Variants in SNX13 observed in about 807,000 individuals in gnomAD.
SNX13 encodes the protein sorting nexin 13.
In SNX13, 45 loss-of-function variants were observed where a neutral mutation model predicts 133.6. The observed-to-expected ratio is 0.34, with a 90% confidence interval of 0.27 to 0.43. The LOEUF is 0.43. SNX13 is among the 20% of genes least tolerant of loss of function. The probability of loss-of-function intolerance (pLI) is 1.00; values close to 1 mark genes in which losing one functional copy is unlikely to be tolerated. For synonymous variants in SNX13, 414 were observed against 373.9 expected, an observed-to-expected ratio of 1.11 and a Z score of -1.24; for missense variants, 1,032 against 1,145.1, an observed-to-expected ratio of 0.90 and a Z score of 1.43.
intron 1 of SNX13, 129 bp from the exon 2 acceptor site, chr7:17,897,575 T>G (rs1797342545): frequency 1.9e-6 from 1 of 516,656 alleles, no homozygotes; most frequent in South Asian, 4.4e-5. Context: ...TTCAGTAACT[T>G]TTGAAAATGT....
chr7:17,907,353 A>C (rs1259162828), intron 1 of SNX13: 1 of 152,204 alleles, frequency 6.6e-6, no homozygotes, highest in Admixed American at 6.5e-5. Context: ...AGTATGCAAC[A>C]GAAACAAGTA....
chr7:17,810,999 T>C (rs1583323192), intron 20 of SNX13, among the ~76,000 whole-genome samples: 1 of 152,282 alleles, frequency 6.6e-6, no homozygotes, highest in East Asian at 1.9e-4. Flanking sequence ...CAATGGAACG[T>C]ATCTCAAAAT....
chr7:17,927,521 G>A (rs748430468), intron 1 of SNX13, among the ~76,000 whole-genome samples: 33 of 152,126 alleles, frequency 2.2e-4, no homozygotes, highest in Admixed American at 6.5e-5. Flanking sequence ...GGGATTACAG[G>A]CATGAGCCAC....
At chr7:17,921,352 A>T (rs1800109502) in intron 1 of SNX13, among the ~76,000 whole-genome samples, 1 of 152,186 alleles carries the variant, frequency 6.6e-6, no homozygotes, top group African/African-American at 2.4e-5. Flanking sequence ...TGACCACTGT[A>T]CTGTTCTTGC....
intron 1 of SNX13, among the ~76,000 whole-genome samples, chr7:17,919,841 T>C (rs1799934996): frequency 1.3e-5 from 2 of 152,302 alleles, no homozygotes; most frequent in East Asian, 1.9e-4. Context: ...ACTAAAAGTT[T>C]ACTTTTGGGC....
At chr7:17,907,846 A>G (rs1014257069) in intron 1 of SNX13, among the ~76,000 whole-genome samples, 1 of 152,158 alleles carries the variant, frequency 6.6e-6, no homozygotes, top group Admixed American at 6.5e-5. Context: ...TGCAATTCCC[A>G]GGGTTCTGTT....
chr7:17,932,697 G>C (rs754554993), intron 1 of SNX13, among the ~76,000 whole-genome samples: 10 of 152,174 alleles, frequency 6.6e-5, no homozygotes, highest in Non-Finnish European at 1.3e-4. Context: ...GCAGGATCAA[G>C]TACTACTTTC....
chr7:17,928,717 T>C (rs10085397), intron 1 of SNX13, among the ~76,000 whole-genome samples: 23,763 of 152,240 alleles, frequency 0.16, 1,967 homozygotes, highest in Middle Eastern at 0.26. Context: ...ATTTTGTAGG[T>C]GTTAAGATAA....
rs1294628928 is a variant in SNX13, at chr7:17,897,316, A to G, written c.125+18T>C. 7.4e-7 allele frequency: 1 copy of G among 1,343,202 alleles called. No homozygotes were observed. The highest frequency in any genetic ancestry group is 1.0e-6 in the Non-Finnish European group (1 of 984,376). The allele number at this position is 1,343,202 out of a possible 1,614,324, so 83.2% of individuals were successfully genotyped here. A position where few individuals can be genotyped will look rare whatever the true frequency, so the allele number is the denominator to read the frequency against. Reference sequence around the variant, plus strand: ...GATATGACACATGAATTATAAAATTATAATTGAGTATACTTACCCACCCAC... The same window carrying G: ...GATATGACACATGAATTATAAAATTGTAATTGAGTATACTTACCCACCCAC... On this transcript the variant is annotated intron_variant, in intron 2 of 25. Coordinates refer to ENST00000428135, the MANE Select transcript of SNX13 (RefSeq NM_015132.5).
intron 1 of SNX13, among the ~76,000 whole-genome samples, chr7:17,905,516 G>C (rs28637602): frequency 0.037 from 5,647 of 152,216 alleles, 336 homozygotes; most frequent in African/African-American, 0.13. Context: ...GTCTTCAAAA[G>C]GCAGTTTTGC....
intron 1 of SNX13, among the ~76,000 whole-genome samples, chr7:17,928,549 A>T (rs1298279721): frequency 6.6e-6 from 1 of 152,170 alleles, no homozygotes; most frequent in African/African-American, 2.4e-5. Context: ...AGGTTTTTTA[A>T]AAGGGAGGAT....
rs549697941 is a variant in SNX13 at position 17,855,465 on chromosome 7, A to T, written c.838-4501T>A. Reference sequence around the variant, plus strand: ...GCCAGTGTCTGGCTACAAAGCCTCAAAAGACAGAATGAGTATCTTGTTAGA... The same window carrying T: ...GCCAGTGTCTGGCTACAAAGCCTCATAAGACAGAATGAGTATCTTGTTAGA... On this transcript the variant is annotated intron_variant, in intron 9 of 25. Transcript: ENST00000428135. 3.3e-5 allele frequency among the ~76,000 whole-genome samples: 5 copies of T among 152,290 alleles called. No homozygotes were observed. The Middle Eastern group carries it at 0.01, about 311-fold the overall frequency.
At position 17,798,970 on chromosome 7, in the gene SNX13, A is replaced by C. The variant is rs370437048; in HGVS notation, c.2444+39T>G. 8 of 1,584,614 alleles carry C rather than the reference A, an allele frequency of 5.0e-6. No homozygotes were observed. In the African/African-American group the frequency reaches 1.1e-4, roughly 22 times the overall value. ...TCCAGAAGTAAGAGTTTAATAGCTA[A>C]GTAAGATCAGATTAAAAGCGAGGAG... On this transcript the variant is annotated intron_variant, in intron 23 of 25. Transcript: ENST00000428135.
chr7:17,856,275 A>G (rs779767766), intron 9 of SNX13, among the ~76,000 whole-genome samples: 1 of 152,254 alleles, frequency 6.6e-6, no homozygotes, highest in South Asian at 2.1e-4. Flanking sequence ...AATTTAAGGT[A>G]TCTTTTGTAA....
chr7:17,904,347 A>G (rs796852786), intron 1 of SNX13, among the ~76,000 whole-genome samples: 4 of 152,234 alleles, frequency 2.6e-5, no homozygotes, highest in African/African-American at 7.2e-5. Flanking sequence ...GTCTAGTTGT[A>G]GCAGACTGGT....
chr7:17,814,952 GAA>G lies in SNX13; in HGVS notation c.1954-10_1954-9del, dbSNP rs34649849. 1,173 of 1,214,988 alleles carry G rather than the reference GAA, an allele frequency of 9.7e-4. No individual in the cohort carries two copies. The highest frequency in any genetic ancestry group is 2.5e-3 in the South Asian group (113 of 44,584). 75.3% of individuals were successfully genotyped at this position (1,214,988 alleles called of 1,614,324 possible). A position where few individuals can be genotyped will look rare whatever the true frequency, so the allele number is the denominator to read the frequency against. On this transcript the variant is annotated splice_polypyrimidine_tract_variant and intron_variant, in intron 19 of 25. Coordinates refer to ENST00000428135, the MANE Select transcript of SNX13 (RefSeq NM_015132.5). ...TTCAGGAGCTAACAGTAACTAACAA[GAA>G]AAAAAAAAAAAAGAAGAGATTATCT... is the stretch of plus-strand genomic sequence containing the variant.
chr7:17,898,252 G>A (rs1275664078), intron 1 of SNX13: 2 of 152,074 alleles, frequency 1.3e-5, no homozygotes, highest in African/African-American at 4.8e-5. Flanking sequence ...AGTACACAAA[G>A]GAAGCATTTG....
At chr7:17,905,390 T>C (rs931547773) in intron 1 of SNX13, among the ~76,000 whole-genome samples, 6 of 152,178 alleles carry the variant, frequency 3.9e-5, no homozygotes, top group African/African-American at 1.4e-4. Flanking sequence ...AGGTAAAATA[T>C]ACATGTAATG....
At chr7:17,846,998 T>C (rs1790621056) in intron 11 of SNX13, among the ~76,000 whole-genome samples, 1 of 152,170 alleles carries the variant, frequency 6.6e-6, no homozygotes, top group African/African-American at 2.4e-5. Context: ...AAAATAAAGC[T>C]TGTATTCAAA....
Sources: allele counts gnomAD v4.1 joint callset (sites outside exome capture counted in the v4.1 genomes callset), GRCh38; gene constraint gnomAD v4.1.1; transcripts MANE v1.5; gene names NCBI Gene and HGNC (gene_info 2026-07-23, HGNC 2026-07-21).